STXBP5: variants seen among roughly 807,000 people sequenced by gnomAD.
The protein encoded by STXBP5 is syntaxin binding protein 5.
STXBP5 carries 50 observed loss-of-function variants against 152.4 expected under a neutral mutation model. The observed-to-expected ratio is 0.33, with a 90% CI of 0.26 to 0.42. The LOEUF (loss-of-function observed/expected upper bound fraction) is 0.42, where lower values mean the gene tolerates loss of function less well. Among genes scored for constraint, STXBP5 ranks in the 10% least tolerant of loss-of-function variants. STXBP5 has a pLI of 1.00. For missense variants in STXBP5, 1,167 were observed against 1,388.6 expected, an observed-to-expected ratio of 0.84 and a Z score of 2.54; for synonymous variants, 492 against 494.7, an observed-to-expected ratio of 0.99 and a Z score of 0.07.
chr6:147,383,052 A>T (rs558085379), intron 27 of STXBP5, 54 bp downstream of exon 27: 19 of 1,573,574 alleles, frequency 1.2e-5, no homozygotes, highest in South Asian at 3.4e-5. Flanking sequence ...AGCAAGTGTG[A>T]ATGTTACTTT....
intron 2 of STXBP5, among the ~76,000 whole-genome samples, chr6:147,228,255 A>G (rs1404511628): frequency 6.6e-6 from 1 of 152,102 alleles, no homozygotes; most frequent in Admixed American, 6.6e-5. Context: ...GAGGCCCATG[A>G]ATATCTAAAA....
Position 147,213,477 on chromosome 6 carries a change from T to TGTGTGTGTGTGTGTGTGCGC in STXBP5, c.248+7410_248+7411insTGTGTGTGTGTGTGTGCGCG. On this transcript the variant is annotated intron_variant, in intron 2 of 27. Coordinates refer to ENST00000321680, the MANE Select transcript of STXBP5 (RefSeq NM_001127715.4). ...GTGTGTGTGTGTGTGTGTGTGTGTG[T>TGTGTGTGTGTGTGTGTGCGC]GCGCGCGCATATATATATTTTTTCT... 1.9e-3 allele frequency among the ~76,000 whole-genome samples: 251 copies of TGTGTGTGTGTGTGTGTGCGC among 131,270 alleles called. 3 individuals are homozygous for TGTGTGTGTGTGTGTGTGCGC. The highest frequency in any genetic ancestry group is 7.8e-3 in the African/African-American group (244 of 31,310). The allele number at this position is 131,270 out of a possible 152,430, so 86.1% of individuals were successfully genotyped here.
intron 8 of STXBP5, among the ~76,000 whole-genome samples, chr6:147,279,167 A>G (rs747930427): frequency 2.0e-5 from 3 of 152,180 alleles, no homozygotes; most frequent in African/African-American, 4.8e-5. Flanking sequence ...TGTGTTAACT[A>G]TTTTCTGCAT....
In STXBP5 at chr6:147,314,323, T is replaced by C. The variant is rs1451670966; in HGVS notation, c.1353T>C (p.Ile451=). ...GLGAQSYPEI[I]ITGHADGSVK... is the part of the protein sequence containing the mutation. ...GTGCTCAAAGTTACCCAGAAATAAT[T>C]ATTACAGGGTAAGTAAAAGTCTGTC... The change falls in exon 13 of 28, where the codon ATT becomes ATC. Residue 451 remains isoleucine (I), a synonymous_variant. Coordinates refer to ENST00000321680, the MANE Select transcript of STXBP5 (RefSeq NM_001127715.4). The C allele has an allele frequency of 1.9e-6, 3 of 1,611,598 alleles. No homozygotes were observed. Among genetic ancestry groups the C allele is most frequent in the Middle Eastern group, 3.3e-4 (2 of 6,050 alleles).
At chr6:147,314,443 T>C in intron 13 of STXBP5, 112 bp downstream of exon 13, 2 of 1,286,086 alleles carry the variant, frequency 1.6e-6, no homozygotes, top group South Asian at 1.3e-5. Flanking sequence ...TATGTCGTAA[T>C]ATAATAAGAA....
chr6:147,293,698 T>C (rs933838038), intron 9 of STXBP5, among the ~76,000 whole-genome samples: 10 of 152,190 alleles, frequency 6.6e-5, no homozygotes, highest in African/African-American at 2.4e-4. Context: ...TCAGCAAAAA[T>C]ATGCAACCTT....
chr6:147,277,962 C>G (rs1304600318), intron 7 of STXBP5, 119 bp from the exon 8 acceptor site: 4 of 862,088 alleles, frequency 4.6e-6, no homozygotes, highest in Non-Finnish European at 6.8e-6. Flanking sequence ...ATGTTAAGTT[C>G]ACATGTTAAC....
chr6:147,257,417 A>G (rs1170397878), intron 4 of STXBP5, among the ~76,000 whole-genome samples: 1 of 151,854 alleles, frequency 6.6e-6, no homozygotes, highest in Non-Finnish European at 1.5e-5. Context: ...GTGGGTTTCA[A>G]CTATATATAT....
At chr6:147,381,452 G>T (rs1279434920) in intron 26 of STXBP5, among the ~76,000 whole-genome samples, 2 of 152,058 alleles carry the variant, frequency 1.3e-5, no homozygotes, top group Admixed American at 1.3e-4. Flanking sequence ...TAAAATGGGT[G>T]CACCCTCTTT....
At chr6:147,336,364 A>G (rs755392244) in intron 19 of STXBP5, among the ~76,000 whole-genome samples, 6 of 152,072 alleles carry the variant, frequency 3.9e-5, no homozygotes, top group Non-Finnish European at 7.4e-5. Context: ...GCCATCTATT[A>G]TGGGTTAATT....
chr6:147,282,160 G>A (rs562543366), intron 8 of STXBP5, among the ~76,000 whole-genome samples: 13 of 152,258 alleles, frequency 8.5e-5, no homozygotes, highest in Admixed American at 7.2e-4. Flanking sequence ...TTGGTAGAAT[G>A]GATTAGTGAA....
At chr6:147,286,202 G>GT (rs1317377382) in intron 8 of STXBP5, among the ~76,000 whole-genome samples, 1 of 151,990 alleles carries the variant, frequency 6.6e-6, no homozygotes, top group Non-Finnish European at 1.5e-5. Context: ...TCTTCTGGCA[G>GT]TTCTTTCCAG....
At chr6:147,237,075 C>A (rs1341758425) in intron 3 of STXBP5, among the ~76,000 whole-genome samples, 3 of 152,068 alleles carry the variant, frequency 2.0e-5, no homozygotes, top group Non-Finnish European at 4.4e-5. Context: ...CACGCCTGAC[C>A]TGTTCTTCAT....
intron 18 of STXBP5, 88 bp downstream of exon 18, chr6:147,327,364 A>G (rs1783318035): frequency 1.4e-6 from 2 of 1,439,728 alleles, no homozygotes; most frequent in South Asian, 2.8e-5. Context: ...ATAGTTAGGT[A>G]AATAGCTTGC....
chr6:147,378,802 C>T (rs1031218386), intron 26 of STXBP5, among the ~76,000 whole-genome samples: 1 of 151,938 alleles, frequency 6.6e-6, no homozygotes, highest in African/African-American at 2.4e-5. Context: ...AAATGAAAAA[C>T]TTTAAATTAC....
intron 9 of STXBP5, among the ~76,000 whole-genome samples, chr6:147,306,766 C>T (rs944855102): frequency 2.6e-5 from 4 of 152,198 alleles, no homozygotes; most frequent in African/African-American, 9.7e-5. Context: ...CTTTGAATGG[C>T]TGGCTCCTAT....
chr6:147,272,588 G>A (rs141466149), intron 7 of STXBP5, among the ~76,000 whole-genome samples: 29 of 152,176 alleles, frequency 1.9e-4, no homozygotes, highest in African/African-American at 6.5e-4. Flanking sequence ...TTCCTCACTA[G>A]TGAGGGTTAA....
intron 18 of STXBP5, among the ~76,000 whole-genome samples, chr6:147,331,028 G>T (rs1417160643): frequency 2.0e-5 from 3 of 152,196 alleles, no homozygotes; most frequent in Non-Finnish European, 4.4e-5. Context: ...GAAAACATTT[G>T]CCAGCCCTCT....
chr6:147,373,703 AC>A, intron 25 of STXBP5, 27 bp from the exon 26 acceptor site: 1 of 1,551,694 alleles, frequency 6.4e-7, no homozygotes. Flanking sequence ...TGAAATTTCA[AC>A]AGTGACAATT....
Sources: gnomAD v4.1 joint callset for allele counts (sites outside exome capture counted in the v4.1 genomes callset) on GRCh38, gnomAD v4.1.1 for gene constraint, MANE v1.5 for transcripts, NCBI Gene and HGNC (gene_info 2026-07-23, HGNC 2026-07-21) for gene names.